The following MMS22L variants were observed in gnomAD, a reference collection of about 807,000 sequenced individuals.
MMS22L encodes the protein MMS22 like, DNA repair protein.
Under a neutral mutation model 159.1 loss-of-function variants are expected in MMS22L, and 74 were observed. That is an observed-to-expected ratio of 0.47 (90% CI 0.39 to 0.56). The LOEUF (loss-of-function observed/expected upper bound fraction) is 0.56, where lower values mean the gene tolerates loss of function less well. Ranked by LOEUF, MMS22L falls within the 20% of genes least tolerant of loss-of-function variation. The pLI, the probability that MMS22L is intolerant of heterozygous loss-of-function variation, is 0.00. For synonymous variants in MMS22L, 517 were observed against 506.9 expected, an observed-to-expected ratio of 1.02 and a Z score of -0.27; for missense variants, 1,351 against 1,422.1, an observed-to-expected ratio of 0.95 and a Z score of 0.80.
At chr6:97,153,738 G>C (rs1801563936) in intron 22 of MMS22L, among the ~76,000 whole-genome samples, 1 of 152,030 alleles carries the variant, frequency 6.6e-6, no homozygotes, top group Admixed American at 6.6e-5. Flanking sequence ...TTTTGTGACT[G>C]GCTTCTTTCA....
rs1438975760 is a variant in MMS22L at position 97,143,007 on chromosome 6, A to G, written c.*3799T>C. On this transcript the variant is annotated 3_prime_UTR_variant, in exon 25 of 25. Transcript: ENST00000683635. ...TAAACTATGAAATTCCTCTAATGCA[A>G]ATGAACTCAATACTGAATGACTTTT... 2 of 152,702 alleles carry G rather than the reference A, an allele frequency of 1.3e-5. No individual in the cohort carries two copies. Among genetic ancestry groups the G allele is most frequent in the East Asian group, 1.9e-4 (1 of 5,186 alleles). The allele number at this position is 152,702 out of a possible 1,614,324, so 9.5% of individuals were successfully genotyped here. A position where few individuals can be genotyped will look rare whatever the true frequency, so the allele number is the denominator to read the frequency against.
At chr6:97,278,521 G>GA in intron 4 of MMS22L, among the ~76,000 whole-genome samples, 1 of 151,560 alleles carries the variant, frequency 6.6e-6, no homozygotes, top group East Asian at 1.9e-4. Flanking sequence ...AGAAAATCAA[G>GA]AAGACAGCAT....
At chr6:97,191,074 T>C (rs983583059) in intron 14 of MMS22L, among the ~76,000 whole-genome samples, 2 of 152,196 alleles carry the variant, frequency 1.3e-5, no homozygotes, top group African/African-American at 4.8e-5. Flanking sequence ...TTTCCTGTTT[T>C]TATTTGTCTG....
At position 97,229,118 on chromosome 6, in the gene MMS22L, T is replaced by C; in HGVS notation, c.1815A>G (p.Glu605=). 1 of 1,614,160 alleles carries C rather than the reference T, an allele frequency of 6.2e-7. No individual in the cohort carries two copies. The highest frequency in any genetic ancestry group is 1.1e-5 in the South Asian group (1 of 91,090). The part of the protein sequence containing the change: ...FSCAFREKAK[E]FLVSKNEEMV... ...TTTCCTCATTCTTAGACACCAAGAATTCCTTTGCTTTCTCCCGGAAAGCAC... is the reference window on the plus strand; with the variant it reads ...TTTCCTCATTCTTAGACACCAAGAACTCCTTTGCTTTCTCCCGGAAAGCAC... Residue 605 remains glutamate, a synonymous_variant, in exon 14 of 25, where the codon GAA becomes GAG. Coordinates refer to ENST00000683635, the MANE Select transcript of MMS22L (RefSeq NM_001350599.2).
At chr6:97,267,577 A>G in intron 8 of MMS22L, 1 of 171,756 alleles carries the variant, frequency 5.8e-6, no homozygotes, top group African/African-American at 2.4e-5. Context: ...TTAGGCTTCC[A>G]GTGATTTCGG....
intron 14 of MMS22L, among the ~76,000 whole-genome samples, chr6:97,197,942 G>A (rs925698086): frequency 5.9e-5 from 9 of 151,892 alleles, no homozygotes; most frequent in African/African-American, 2.2e-4. Flanking sequence ...GTCTTGCTTT[G>A]GCTATTCCAC....
chr6:97,213,180 G>C (rs1808585076), intron 14 of MMS22L, among the ~76,000 whole-genome samples: 1 of 152,130 alleles, frequency 6.6e-6, no homozygotes, highest in African/African-American at 2.4e-5. Flanking sequence ...GCCAAGGTGG[G>C]CAGATCATCT....
At chr6:97,165,487 GA>G in intron 20 of MMS22L, 30 bp from the exon 21 acceptor site, 6 of 1,570,278 alleles carry the variant, frequency 3.8e-6, no homozygotes, top group Non-Finnish European at 5.2e-6. Context: ...GAAATACTAA[GA>G]GGTAAAGTTT....
In MMS22L at chr6:97,246,637, G is replaced by A; in HGVS notation, c.1173C>T (p.Ile391=). 1 of 1,611,078 alleles carries A rather than the reference G, an allele frequency of 6.2e-7. No homozygotes were observed. The highest frequency in any genetic ancestry group is 8.5e-7 in the Non-Finnish European group (1 of 1,178,552). The part of the protein sequence containing the change: ...NFVEELLKKS[I]SVQGVILEEQ... Reference sequence around the variant, plus strand: ...TACTTTAATTGCATACCTGAACACTGATGGACTTTTTCAGCAGTTCTTCTA... The same window carrying A: ...TACTTTAATTGCATACCTGAACACTAATGGACTTTTTCAGCAGTTCTTCTA... The change falls in exon 11 of 25, where the codon ATC becomes ATT. Residue 391 remains isoleucine, a synonymous_variant. Transcript: ENST00000683635.
chr6:97,247,443 T>A (rs1295776144), intron 10 of MMS22L, among the ~76,000 whole-genome samples: 1 of 152,124 alleles, frequency 6.6e-6, no homozygotes, highest in South Asian at 2.1e-4. Flanking sequence ...TAAAAAGTAA[T>A]CATGGCCAGG....
intron 11 of MMS22L, 74 bp downstream of exon 11, chr6:97,246,554 C>T (rs557858832): frequency 6.6e-5 from 79 of 1,206,026 alleles, no homozygotes; most frequent in Non-Finnish European, 7.6e-5. Context: ...TAACAGCTTG[C>T]TTGGTTTTAA....
In MMS22L at chr6:97,173,234, G is replaced by GA; in HGVS notation, c.2680-13dup. ...GTTACACCAACAGCCTATAAATAAAGAAAAACATTATTTAACTTCCCAAAG... is the reference window on the plus strand; with the variant it reads ...GTTACACCAACAGCCTATAAATAAAGAAAAAACATTATTTAACTTCCCAAAG... On this transcript the variant is annotated splice_polypyrimidine_tract_variant and intron_variant, in intron 18 of 24. Coordinates refer to ENST00000683635, the MANE Select transcript of MMS22L (RefSeq NM_001350599.2). The GA allele has an allele frequency of 6.2e-7, 1 of 1,600,210 alleles. No homozygotes were observed. Among genetic ancestry groups the GA allele is most frequent in the South Asian group, 1.1e-5 (1 of 87,528 alleles).
At chr6:97,259,442 A>G (rs1814205913) in intron 9 of MMS22L, 1 of 152,156 alleles carries the variant, frequency 6.6e-6, no homozygotes, top group African/African-American at 2.4e-5. Context: ...CCAATCAATT[A>G]GTGGCCTGAA....
intron 11 of MMS22L, among the ~76,000 whole-genome samples, chr6:97,236,323 C>CA (rs58792910): frequency 0.12 from 10,897 of 94,512 alleles, 917 homozygotes; most frequent in African/African-American, 0.26. Context: ...ACTCTTTCTC[C>CA]AAAAAAAAAA....
chr6:97,144,964 T>G lies in MMS22L; in HGVS notation c.*1842A>C, dbSNP rs1266691520. The G allele has an allele frequency of 6.7e-6, 1 of 149,586 alleles. No homozygotes were observed. The highest frequency in any genetic ancestry group is 2.5e-5 in the African/African-American group (1 of 40,404). The allele number at this position is 149,586 out of a possible 1,614,324, so 9.3% of individuals were successfully genotyped here. On this transcript the variant is annotated 3_prime_UTR_variant, in exon 25 of 25. Transcript: ENST00000683635. ...TTTTCCTATCCTTTAAACGTTTTCA[T>G]ACTCTAAGGAGCAAGATTCTCAAAG...
At chr6:97,247,799 T>C (rs1332064722) in intron 10 of MMS22L, among the ~76,000 whole-genome samples, 2 of 152,162 alleles carry the variant, frequency 1.3e-5, no homozygotes, top group African/African-American at 4.8e-5. Flanking sequence ...ACCTTCATCA[T>C]ACCCTTCTTA....
At chr6:97,251,252 A>G (rs150866631) in intron 10 of MMS22L, among the ~76,000 whole-genome samples, 4 of 152,164 alleles carry the variant, frequency 2.6e-5, no homozygotes, top group South Asian at 4.1e-4. Flanking sequence ...GAGAAATCTA[A>G]TATCAAGTTT....
intron 10 of MMS22L, among the ~76,000 whole-genome samples, chr6:97,251,653 G>A (rs1238863978): frequency 4.0e-5 from 6 of 151,880 alleles, no homozygotes; most frequent in Non-Finnish European, 7.4e-5. Context: ...TTTTAAAATC[G>A]TGGCAAAAGA....
chr6:97,159,172 T>C (rs1802170554), intron 22 of MMS22L, among the ~76,000 whole-genome samples: 6 of 151,764 alleles, frequency 4.0e-5, no homozygotes. Context: ...TAAATCTTCC[T>C]TAATCCCTTT....
Sources: gnomAD v4.1 joint callset for allele counts (sites outside exome capture counted in the v4.1 genomes callset) on GRCh38, gnomAD v4.1.1 for gene constraint, MANE v1.5 for transcripts, NCBI Gene and HGNC (gene_info 2026-07-23, HGNC 2026-07-21) for gene names.